Variants in FBXO31 observed in about 807,000 individuals in gnomAD.
FBXO31 encodes F-box only protein 31.
Under a neutral mutation model 54.4 loss-of-function variants are expected in FBXO31, and 24 were observed. The observed-to-expected ratio is 0.44, with a 90% CI of 0.32 to 0.62. FBXO31 has a LOEUF of 0.62. Ranked by LOEUF, FBXO31 falls within the 20% of genes least tolerant of loss-of-function variation. The pLI is 0.05. For missense variants in FBXO31, 665 were observed against 787.1 expected (o/e 0.84, Z 1.86); for synonymous variants, 388 against 335.6 (o/e 1.16, Z -1.71).
rs912694696 is a variant in FBXO31 at position 87,338,782 on chromosome 16, C to A, written c.733-2518G>T. ...CCAACCTCCCTGGGCAGACAGGACT[C>A]CACTCCCTTGGAACCTGCTTGATGT... On this transcript the variant is annotated intron_variant, in intron 5 of 8. Transcript: ENST00000311635. This position sits in a 1 kb window ranked among gnomAD's most constrained non-coding sequence, Gnocchi z 4.3. 7.2e-5 allele frequency among the ~76,000 whole-genome samples: 11 copies of A among 152,160 alleles called. No individual in the cohort carries two copies. The highest frequency in any genetic ancestry group is 2.7e-4 in the African/African-American group (11 of 41,454).
intron 2 of FBXO31, among the ~76,000 whole-genome samples, chr16:87,356,309 C>T (rs572121481): frequency 2.6e-5 from 4 of 152,098 alleles, no homozygotes; most frequent in Non-Finnish European, 4.4e-5. Context: ...CTGTTGTCAA[C>T]GCTCACTAAG....
rs776346820 is a variant in FBXO31, at chr16:87,343,682, C to G, written c.573G>C (p.Leu191=). ...HVDDPMRFKP[L]FRIHLMERKA... ...TCCTCTCCATCAGGTGGATCCTGAA[C>G]AGAGGCTTGAATCTCATAGGGTCAT... is the stretch of plus-strand genomic sequence containing the variant. The change falls in exon 4 of 9, where the codon CTG becomes CTC. Residue 191 remains leucine, a synonymous_variant. Transcript: ENST00000311635. 5.0e-6 allele frequency: 8 copies of G among 1,614,264 alleles called. No homozygotes were observed. Among genetic ancestry groups the G allele is most frequent in the Non-Finnish European group, 6.8e-6 (8 of 1,180,048 alleles).
chr16:87,375,028 CAA>C (rs1906761316), intron 1 of FBXO31, among the ~76,000 whole-genome samples: 1 of 152,064 alleles, frequency 6.6e-6, no homozygotes, highest in Non-Finnish European at 1.5e-5. Context: ...ACAAAAAATA[CAA>C]AAGTTAGGCC....
upstream of FBXO31, chr16:87,392,110 C>G (rs1186814754): frequency 3.6e-6 from 1 of 279,256 alleles, no homozygotes; most frequent in Non-Finnish European, 6.7e-6. Flanking sequence ...CCCAGCGGTG[C>G]TGGGCGGGGC....
chr16:87,342,259 T>G (rs1405698843), intron 5 of FBXO31, among the ~76,000 whole-genome samples: 1 of 152,072 alleles, frequency 6.6e-6, no homozygotes, highest in Non-Finnish European at 1.5e-5. Context: ...CTCACTATGT[T>G]GCCCAGGCTG....
At chr16:87,355,733 G>A (rs538826030) in intron 2 of FBXO31, among the ~76,000 whole-genome samples, 60 of 152,304 alleles carry the variant, frequency 3.9e-4, no homozygotes, top group African/African-American at 1.4e-3. Flanking sequence ...CAGCCTGGAT[G>A]CTCGAGAGGC....
Position 87,335,671 on chromosome 16 carries a change from TG to T in FBXO31, c.843-215del, listed in dbSNP as rs1304238458. On this transcript the variant is annotated intron_variant, in intron 6 of 8. Transcript: ENST00000311635. The surrounding 1 kb of genome is among the most constrained non-coding windows in gnomAD (Gnocchi z 5.7). ...GCACGCACGCTTCCAACAGGACTTC[TG>T]GGGTTAAGGGGGGCATCAGCGCCAG... Among the ~76,000 whole-genome samples the T allele has an allele frequency of 6.6e-6, 1 of 151,998 alleles. No homozygotes were observed. The highest frequency in any genetic ancestry group is 1.5e-5 in the Non-Finnish European group (1 of 67,982).
chr16:87,330,228 G>A lies in FBXO31; in HGVS notation c.*1060C>T, dbSNP rs1302742038. The A allele has an allele frequency of 2.0e-5, 3 of 152,324 alleles. No individual in the cohort carries two copies. Among genetic ancestry groups the A allele is most frequent in the Non-Finnish European group, 2.9e-5 (2 of 68,090 alleles). 9.4% of individuals were successfully genotyped at this position (152,324 alleles called of 1,614,324 possible). Reference sequence around the variant, plus strand: ...ACAACATGGGGCACACAGCAGTGGAGGCATCAGTCCATGGGGTCTCCAGGC... The same window carrying A: ...ACAACATGGGGCACACAGCAGTGGAAGCATCAGTCCATGGGGTCTCCAGGC... On this transcript the variant is annotated 3_prime_UTR_variant, in exon 9 of 9. Coordinates refer to ENST00000311635, the MANE Select transcript of FBXO31 (RefSeq NM_024735.5).
At chr16:87,356,026 CA>C (rs1397102118) in intron 2 of FBXO31, among the ~76,000 whole-genome samples, 2 of 152,104 alleles carry the variant, frequency 1.3e-5, no homozygotes, top group Non-Finnish European at 2.9e-5. Flanking sequence ...GTCAGGAGTT[CA>C]AAACCAGCCT....
chr16:87,368,226 G>T (rs1389841468), intron 1 of FBXO31, among the ~76,000 whole-genome samples: 1 of 152,164 alleles, frequency 6.6e-6, no homozygotes, highest in African/African-American at 2.4e-5. Context: ...GTCACCAAAA[G>T]GTCACGACAA....
intron 1 of FBXO31, among the ~76,000 whole-genome samples, chr16:87,377,276 C>G (rs1233365550): frequency 6.6e-6 from 1 of 152,126 alleles, no homozygotes. Flanking sequence ...AAAAATCTGT[C>G]TCTATAAAAA....
At position 87,338,286 on chromosome 16, in the gene FBXO31, C is replaced by T. The variant is rs1447827218; in HGVS notation, c.733-2022G>A. On this transcript the variant is annotated intron_variant, in intron 5 of 8. Coordinates refer to ENST00000311635, the MANE Select transcript of FBXO31 (RefSeq NM_024735.5). This position sits in a 1 kb window ranked among gnomAD's most constrained non-coding sequence, Gnocchi z 4.3. Reference sequence around the variant, plus strand: ...GGACATGCACGACAACGATCAACTTCACGTTGACCCAGGGCCTGCTCACTC... The same window carrying T: ...GGACATGCACGACAACGATCAACTTTACGTTGACCCAGGGCCTGCTCACTC... Among the ~76,000 whole-genome samples, 1 of 151,864 alleles carries T rather than the reference C, an allele frequency of 6.6e-6. No individual in the cohort carries two copies. The highest frequency in any genetic ancestry group is 1.5e-5 in the Non-Finnish European group (1 of 67,998).
chr16:87,379,038 C>G (rs1481585330), intron 1 of FBXO31, among the ~76,000 whole-genome samples: 1 of 151,810 alleles, frequency 6.6e-6, no homozygotes, highest in Non-Finnish European at 1.5e-5. Context: ...TGAGAGTTCA[C>G]TGCCACACTG....
intron 1 of FBXO31, among the ~76,000 whole-genome samples, chr16:87,362,794 G>C (rs1005220937): frequency 6.6e-5 from 10 of 152,200 alleles, no homozygotes; most frequent in African/African-American, 2.2e-4. Flanking sequence ...TCCAACTCCT[G>C]ACCACAAGTG....
chr16:87,366,176 G>A (rs886835049), intron 1 of FBXO31, among the ~76,000 whole-genome samples: 4 of 152,172 alleles, frequency 2.6e-5, no homozygotes, highest in Non-Finnish European at 5.9e-5. Flanking sequence ...AAGGATGTGA[G>A]TGAAAACTGC....
intron 1 of FBXO31, among the ~76,000 whole-genome samples, chr16:87,377,051 C>A (rs1906853678): frequency 6.6e-6 from 1 of 152,262 alleles, no homozygotes; most frequent in Admixed American, 6.5e-5. Flanking sequence ...CCACAATGAA[C>A]TCGTGAAACT....
rs1905324904 is a variant in FBXO31, at chr16:87,345,049, C to G, written c.490-1284G>C. Among the ~76,000 whole-genome samples the G allele has an allele frequency of 1.3e-5, 2 of 150,858 alleles. No individual in the cohort carries two copies. The highest frequency in any genetic ancestry group is 1.3e-4 in the Admixed American group (2 of 15,062). Reference sequence around the variant, plus strand: ...CCACCTGAGGAACAAAGCCCAGAGCCACAGAGGAGCCATCTGCCCAGGGGC... The same window carrying G: ...CCACCTGAGGAACAAAGCCCAGAGCGACAGAGGAGCCATCTGCCCAGGGGC... On this transcript the variant is annotated intron_variant, in intron 3 of 8. Transcript: ENST00000311635. The surrounding 1 kb of genome is among the most constrained non-coding windows in gnomAD (Gnocchi z 4.9).
At chr16:87,379,630 G>A (rs1906985293) in intron 1 of FBXO31, among the ~76,000 whole-genome samples, 2 of 152,166 alleles carry the variant, frequency 1.3e-5, no homozygotes, top group Admixed American at 1.3e-4. Flanking sequence ...TCTTAACACT[G>A]CATACCTGTG....
chr16:87,365,329 T>C (rs184955743), intron 1 of FBXO31, among the ~76,000 whole-genome samples: 52 of 151,984 alleles, frequency 3.4e-4, no homozygotes, highest in African/African-American at 1.2e-3. Flanking sequence ...CAAATATTAC[T>C]AACACGTCCT....
Sources: allele counts gnomAD v4.1 joint callset (sites outside exome capture counted in the v4.1 genomes callset), GRCh38; gene constraint gnomAD v4.1.1; non-coding constraint Gnocchi (gnomAD v3.1); transcripts MANE v1.5; gene names NCBI Gene and HGNC (gene_info 2026-07-23, HGNC 2026-07-21).